Variants in SETBP1 observed in about 807,000 individuals in gnomAD.
SETBP1 encodes the protein SET binding protein 1.
In SETBP1, 9 loss-of-function variants were observed where a neutral mutation model predicts 101.0. The observed-to-expected ratio is 0.09, with a 90% CI of 0.05 to 0.16. SETBP1 has a LOEUF of 0.16. Among genes scored for constraint, SETBP1 ranks in the 10% least tolerant of loss-of-function variants. The probability of loss-of-function intolerance (pLI) is 1.00; values close to 1 mark genes in which losing one functional copy is unlikely to be tolerated. For synonymous variants in SETBP1, 818 were observed against 788.5 expected, an observed-to-expected ratio of 1.04 and a Z score of -0.63; for missense variants, 1,858 against 2,033.8, an observed-to-expected ratio of 0.91 and a Z score of 1.66.
At chr18:44,835,404 C>T (rs2072475327) in intron 2 of SETBP1, among the ~76,000 whole-genome samples, 1 of 151,770 alleles carries the variant, frequency 6.6e-6, no homozygotes, top group South Asian at 2.1e-4. Context: ...AGCTTTTTCC[C>T]ATTCCCTGCC....
At chr18:44,798,889 G>T (rs62090589) in intron 2 of SETBP1, among the ~76,000 whole-genome samples, 10,400 of 152,196 alleles carry the variant, frequency 0.068, 409 homozygotes, top group East Asian at 0.14. Flanking sequence ...CTTGCCCAAG[G>T]TCAGCCCCAT....
chr18:45,000,628 A>G (rs2072597215), intron 4 of SETBP1, among the ~76,000 whole-genome samples: 1 of 152,224 alleles, frequency 6.6e-6, no homozygotes, highest in Non-Finnish European at 1.5e-5. Flanking sequence ...TTGATAAGGA[A>G]GCCTCCCAAA....
At chr18:44,915,924 C>T (rs2070414660) in intron 3 of SETBP1, among the ~76,000 whole-genome samples, 1 of 152,194 alleles carries the variant, frequency 6.6e-6, no homozygotes, top group Non-Finnish European at 1.5e-5. Flanking sequence ...AGACTAGACT[C>T]TTCCAAAAAG....
intron 2 of SETBP1, among the ~76,000 whole-genome samples, chr18:44,718,908 G>A (rs1196076840): frequency 1.3e-5 from 2 of 152,076 alleles, no homozygotes; most frequent in Non-Finnish European, 2.9e-5. Context: ...ACTTGTAATT[G>A]ACCGATTAAT....
At chr18:44,777,806 G>A (rs2071035960) in intron 2 of SETBP1, among the ~76,000 whole-genome samples, 1 of 152,232 alleles carries the variant, frequency 6.6e-6, no homozygotes, top group Non-Finnish European at 1.5e-5. Context: ...CTGACAAGCT[G>A]AAATAGGCCC....
intron 4 of SETBP1, among the ~76,000 whole-genome samples, chr18:45,021,386 C>T (rs2073063990): frequency 2.0e-5 from 3 of 152,132 alleles, no homozygotes. Context: ...GTCTAATGGC[C>T]TCCCCAACTC....
chr18:44,890,906 A>C (rs2069753018), intron 3 of SETBP1, among the ~76,000 whole-genome samples: 1 of 152,112 alleles, frequency 6.6e-6, no homozygotes, highest in South Asian at 2.1e-4. Flanking sequence ...TTCCAAGTCT[A>C]GGGTTCTTGG....
intron 2 of SETBP1, among the ~76,000 whole-genome samples, chr18:44,815,576 A>G (rs1038081058): frequency 1.3e-5 from 2 of 152,168 alleles, no homozygotes; most frequent in African/African-American, 2.4e-5. Context: ...TTTTGATGCT[A>G]CTGATACCTT....
chr18:44,875,124 G>T (rs1177796422), intron 3 of SETBP1, among the ~76,000 whole-genome samples: 1 of 152,166 alleles, frequency 6.6e-6, no homozygotes, highest in Non-Finnish European at 1.5e-5. Flanking sequence ...CAGGTTGCTT[G>T]TTCTTCTAGG....
chr18:44,979,685 A>G (rs1269021777), intron 4 of SETBP1, among the ~76,000 whole-genome samples: 1 of 152,230 alleles, frequency 6.6e-6, no homozygotes, highest in African/African-American at 2.4e-5. Context: ...CCAATGGTCC[A>G]CACTGATATA....
chr18:44,874,495 AAG>A (rs2069351773), intron 3 of SETBP1, among the ~76,000 whole-genome samples: 1 of 152,164 alleles, frequency 6.6e-6, no homozygotes, highest in South Asian at 2.1e-4. Flanking sequence ...TGGTCCATAC[AAG>A]GAGTAGGGGG....
chr18:44,791,071 C>T (rs2144729392), intron 2 of SETBP1, among the ~76,000 whole-genome samples: 1 of 152,250 alleles, frequency 6.6e-6, no homozygotes, highest in Non-Finnish European at 1.5e-5. Flanking sequence ...AGTTCAAGGA[C>T]AGTTAAGTTG....
intron 4 of SETBP1, among the ~76,000 whole-genome samples, chr18:45,014,968 C>G (rs946664968): frequency 1.1e-4 from 17 of 152,196 alleles, no homozygotes; most frequent in African/African-American, 4.1e-4. Flanking sequence ...GTTTCAGGAA[C>G]TGGAATGCAT....
chr18:44,902,358 G>T (rs748076571), intron 3 of SETBP1, among the ~76,000 whole-genome samples: 7 of 151,862 alleles, frequency 4.6e-5, no homozygotes, highest in African/African-American at 7.3e-5. Flanking sequence ...TAGTCTAATT[G>T]CTAATATTGT....
chr18:44,745,827 C>G (rs934657031), intron 2 of SETBP1, among the ~76,000 whole-genome samples: 12 of 152,264 alleles, frequency 7.9e-5, no homozygotes, highest in Admixed American at 6.5e-4. Flanking sequence ...AGGGAAGGCT[C>G]CTGGAGGAGG....
chr18:44,680,570 G>A (rs1192331713), upstream of SETBP1, among the ~76,000 whole-genome samples: 1 of 152,172 alleles, frequency 6.6e-6, no homozygotes, highest in Non-Finnish European at 1.5e-5. Context: ...ACCGGGCCGA[G>A]GGGGCGGGAT....
In SETBP1 at chr18:45,003,503, C is replaced by T. The variant is rs774624753; in HGVS notation, c.4001-34982C>T. Reference sequence around the variant, plus strand: ...TATGCCACCCAACACCATCATGAACCAGCTACATGGGCAATATTTACTCTA... The same window carrying T: ...TATGCCACCCAACACCATCATGAACTAGCTACATGGGCAATATTTACTCTA... On this transcript the variant is annotated intron_variant, in intron 4 of 5. Transcript: ENST00000649279. Among the ~76,000 whole-genome samples the T allele has an allele frequency of 5.5e-4, 84 of 152,122 alleles. 1 individual carries two copies. The highest frequency in any genetic ancestry group is 2.5e-4 in the Non-Finnish European group (17 of 68,028).
chr18:44,717,378 A>G lies in SETBP1; in HGVS notation c.486+15546A>G, dbSNP rs1052339174. Among the ~76,000 whole-genome samples, 5 of 152,284 alleles carry G rather than the reference A, an allele frequency of 3.3e-5. No homozygotes were observed. The East Asian group carries it at 7.7e-4, about 24-fold the overall frequency. On this transcript the variant is annotated intron_variant, in intron 2 of 5. Coordinates refer to ENST00000649279, the MANE Select transcript of SETBP1 (RefSeq NM_015559.3). The stretch of plus-strand genomic sequence containing the variant: ...AAAGCTGTATAAGATCTGCTCCCAA[A>G]CTTCATGCTTTTGTCCTCTTTTTCT...
rs749588665 is a variant in SETBP1 at position 44,951,236 on chromosome 18, G to A, written c.1896G>A (p.Leu632=). ...AGCGACGACGCAATTTAGCGAAGTT[G>A]GCCCAGCTAGTGCCGGGAGAGGACA... is the stretch of plus-strand genomic sequence containing the variant. ...KRKRRRNLAK[L]AQLVPGEDKP... The change falls in exon 4 of 6, where the codon TTG becomes TTA. Residue 632 remains leucine, a synonymous_variant. Coordinates refer to ENST00000649279, the MANE Select transcript of SETBP1 (RefSeq NM_015559.3). The surrounding 1 kb of genome is among the most constrained non-coding windows in gnomAD (Gnocchi z 7.8). 6.2e-7 allele frequency: 1 copy of A among 1,614,058 alleles called. No individual in the cohort carries two copies. The highest frequency in any genetic ancestry group is 1.3e-5 in the African/African-American group (1 of 75,030).
Sources: gnomAD v4.1 joint callset for allele counts (sites outside exome capture counted in the v4.1 genomes callset) on GRCh38, gnomAD v4.1.1 for gene constraint, Gnocchi (gnomAD v3.1) non-coding constraint, MANE v1.5 for transcripts, NCBI Gene and HGNC (gene_info 2026-07-23, HGNC 2026-07-21) for gene names.